LNX2: variants seen among roughly 807,000 people sequenced by gnomAD.
The protein encoded by LNX2 is ligand of Numb protein X 2.
In LNX2, 35 loss-of-function variants were observed where a neutral mutation model predicts 66.2. The observed-to-expected ratio is 0.53, with a 90% CI of 0.40 to 0.70. LNX2 has a LOEUF of 0.70. Ranked by LOEUF, LNX2 falls within the 30% of genes least tolerant of loss-of-function variation. The pLI is 0.00. For missense variants in LNX2, 791 were observed against 850.8 expected, an observed-to-expected ratio of 0.93 and a Z score of 0.87; for synonymous variants, 337 against 315.6, an observed-to-expected ratio of 1.07 and a Z score of -0.72.
At chr13:27,589,990 C>A (rs1042574262) in intron 1 of LNX2, among the ~76,000 whole-genome samples, 16 of 152,294 alleles carry the variant, frequency 1.1e-4, no homozygotes, top group Admixed American at 8.5e-4. Flanking sequence ...CGCTCTGTCA[C>A]CCAGGCTGGA....
At chr13:27,563,704 G>C (rs1955170103) in intron 4 of LNX2, among the ~76,000 whole-genome samples, 1 of 152,086 alleles carries the variant, frequency 6.6e-6, no homozygotes, top group Non-Finnish European at 1.5e-5. Flanking sequence ...CTCTGAGTTA[G>C]GTGTTTATGA....
chr13:27,590,697 C>T (rs1955538039), intron 1 of LNX2, among the ~76,000 whole-genome samples: 1 of 152,072 alleles, frequency 6.6e-6, no homozygotes, highest in Admixed American at 6.6e-5. Flanking sequence ...ACTTGTCAGT[C>T]CTATTTTCTC....
At chr13:27,583,193 T>A (rs1248239719) in intron 1 of LNX2, among the ~76,000 whole-genome samples, 2 of 12,624 alleles carry the variant, frequency 1.6e-4, no homozygotes, top group Admixed American at 1.2e-3. Flanking sequence ...TGTGTGTGTG[T>A]GTGTGTGTGT....
chr13:27,552,258 C>A (rs75059141), intron 8 of LNX2, among the ~76,000 whole-genome samples: 3 of 152,214 alleles, frequency 2.0e-5, no homozygotes, highest in African/African-American at 7.2e-5. Flanking sequence ...TCTCTGCCTG[C>A]CCCATCATTA....
At chr13:27,620,555 C>T (rs941772592), upstream of LNX2, among the ~76,000 whole-genome samples, 2 of 152,186 alleles carry the variant, frequency 1.3e-5, no homozygotes, top group African/African-American at 4.8e-5. Context: ...CCGGCCAAGA[C>T]TTCACTTCTC....
At chr13:27,584,785 T>C (rs1309959601) in intron 1 of LNX2, among the ~76,000 whole-genome samples, 36 of 152,236 alleles carry the variant, frequency 2.4e-4, no homozygotes, top group Admixed American at 2.3e-3. Flanking sequence ...GGCAGGACAG[T>C]TGGCCTCAGA....
At chr13:27,612,757 C>T (rs922113205) in intron 1 of LNX2, among the ~76,000 whole-genome samples, 2 of 152,110 alleles carry the variant, frequency 1.3e-5, no homozygotes, top group Admixed American at 6.5e-5. Context: ...TGACACCACA[C>T]CCAGCTGATT....
chr13:27,588,244 G>A (rs1255654739), intron 1 of LNX2, among the ~76,000 whole-genome samples: 4 of 152,090 alleles, frequency 2.6e-5, no homozygotes, highest in Non-Finnish European at 4.4e-5. Context: ...TTTATTTGTA[G>A]TAGCCAGAAA....
intron 9 of LNX2, among the ~76,000 whole-genome samples, chr13:27,550,029 G>C (rs1954986925): frequency 6.6e-6 from 1 of 152,198 alleles, no homozygotes. Flanking sequence ...ATAGCTATAA[G>C]TGACAAGACA....
intron 2 of LNX2, among the ~76,000 whole-genome samples, chr13:27,570,778 AAATATCTAC>A: frequency 6.7e-6 from 1 of 148,986 alleles, no homozygotes; most frequent in African/African-American, 2.6e-5. Context: ...CATCATACAC[AAATATCTAC>A]ACAAGAATAG....
Position 27,562,438 on chromosome 13 carries a change from G to A in LNX2, c.1199C>T (p.Pro400Leu), listed in dbSNP as rs1423150757. Reference sequence around the variant, plus strand: ...CTGAATAATCTGGGCAGCAAGCTCCGGAGTTCCATACTTCAGGTCGTGCCC... The same window carrying A: ...CTGAATAATCTGGGCAGCAAGCTCCAGAGTTCCATACTTCAGGTCGTGCCC... The part of the protein sequence containing the change: ...INGHDLKYGT[P>L]ELAAQIIQAS... Residue 400 changes from proline (P) to leucine (L), a missense_variant, in exon 5 of 10, where the codon CCG becomes CTG. Coordinates refer to ENST00000316334, the MANE Select transcript of LNX2 (RefSeq NM_153371.4). 4.3e-6 allele frequency: 7 copies of A among 1,613,910 alleles called. No individual in the cohort carries two copies. Among genetic ancestry groups the A allele is most frequent in the East Asian group, 2.2e-5 (1 of 44,884 alleles).
intron 2 of LNX2, among the ~76,000 whole-genome samples, chr13:27,580,160 G>A (rs11842827): frequency 0.61 from 93,410 of 151,972 alleles, 30,250 homozygotes; most frequent in African/African-American, 0.83. Context: ...TGAAACTTTT[G>A]CTACATAGCA....
intron 2 of LNX2, among the ~76,000 whole-genome samples, chr13:27,580,337 TTA>T (rs1338474252): frequency 6.7e-6 from 1 of 149,478 alleles, no homozygotes. Context: ...GTCTATGATT[TTA>T]TGTGTGAGTA....
intron 4 of LNX2, 142 bp from the exon 5 acceptor site, chr13:27,562,923 A>G: frequency 1.2e-6 from 1 of 826,782 alleles, no homozygotes. Flanking sequence ...CATTATTTAC[A>G]AAGAAAACCA....
At position 27,594,555 on chromosome 13, in the gene LNX2, AT is replaced by A. The variant is rs533834211; in HGVS notation, c.-100-12753del. Among the ~76,000 whole-genome samples, 518 of 152,152 alleles carry A rather than the reference AT, an allele frequency of 3.4e-3. 2 individuals carry two copies. Among genetic ancestry groups the A allele is most frequent in the African/African-American group, 0.011 (463 of 41,508 alleles). ...TTGTATAGTTCATTTGTATAATAAA[AT>A]TTTTTTTATTATCACTTTATTCTGG... On this transcript the variant is annotated intron_variant, in intron 1 of 9. Transcript: ENST00000316334.
intron 2 of LNX2, among the ~76,000 whole-genome samples, chr13:27,580,121 A>C (rs1566123405): frequency 6.6e-6 from 1 of 152,102 alleles, no homozygotes; most frequent in African/African-American, 2.4e-5. Context: ...ATTGATACAA[A>C]ATGAATGTGT....
chr13:27,575,456 T>C (rs8001325), intron 2 of LNX2, among the ~76,000 whole-genome samples: 70,105 of 151,954 alleles, frequency 0.46, 16,453 homozygotes, highest in Middle Eastern at 0.54. Flanking sequence ...CCCAATGTGG[T>C]TGCATCATTC....
In LNX2 at chr13:27,547,027, C is replaced by A. The variant is rs1197635665; in HGVS notation, c.*1308G>T. 1 of 152,094 alleles carries A rather than the reference C, an allele frequency of 6.6e-6. No individual in the cohort carries two copies. Among genetic ancestry groups the A allele is most frequent in the Non-Finnish European group, 1.5e-5 (1 of 68,004 alleles). 9.4% of individuals were successfully genotyped at this position (152,094 alleles called of 1,614,324 possible). A position where few individuals can be genotyped will look rare whatever the true frequency, so the allele number is the denominator to read the frequency against. ...CTGTCTCCTACTTGAAACAACTAAT[C>A]TCATAAGAAATAATGGGAAAAATAA... On this transcript the variant is annotated 3_prime_UTR_variant, in exon 10 of 10. Coordinates refer to ENST00000316334, the MANE Select transcript of LNX2 (RefSeq NM_153371.4).
At chr13:27,567,927 G>A (rs1163628071) in intron 3 of LNX2, 88 bp from the exon 4 acceptor site, 3 of 1,037,736 alleles carry the variant, frequency 2.9e-6, no homozygotes, top group Non-Finnish European at 4.5e-6. Context: ...CTTCAGGTAA[G>A]TATGTCACAT....
Sources: allele counts gnomAD v4.1 joint callset (sites outside exome capture counted in the v4.1 genomes callset), GRCh38; gene constraint gnomAD v4.1.1; transcripts MANE v1.5; gene names NCBI Gene and HGNC (gene_info 2026-07-23, HGNC 2026-07-21).